Variants in FYN observed in about 807,000 individuals in gnomAD.
The protein encoded by FYN is FYN proto-oncogene, Src family tyrosine kinase, also known as tyrosine-protein kinase Fyn.
A neutral mutation model predicts 70.2 loss-of-function variants in FYN; 10 were observed. The ratio of observed to expected loss-of-function variants is 0.14; its 90% CI spans 0.09 to 0.24. FYN has a LOEUF of 0.24. Among genes scored for constraint, FYN ranks in the 10% least tolerant of loss-of-function variants. FYN has a pLI of 1.00. For missense variants in FYN, 319 were observed against 673.1 expected, an observed-to-expected ratio of 0.47 and a Z score of 5.82; for synonymous variants, 236 against 248.6, an observed-to-expected ratio of 0.95 and a Z score of 0.48.
chr6:111,674,354 G>A (rs758901197), intron 13 of FYN, 145 bp downstream of exon 13: 12 of 849,874 alleles, frequency 1.4e-5, no homozygotes, highest in Admixed American at 4.9e-5. Flanking sequence ...CTTTTCTCTC[G>A]CTGAATACCT....
Position 111,832,319 on chromosome 6 carries a change from T to G in FYN, c.-82+14270A>C, listed in dbSNP as rs567601626. On this transcript the variant is annotated intron_variant, in intron 2 of 13. Transcript: ENST00000354650. ...TACTACTGCAAACAGAATTGTTTCC[T>G]TCACTTGATTTTCCAGCTATTAGCT... Among the ~76,000 whole-genome samples, 147 of 152,334 alleles carry G rather than the reference T, an allele frequency of 9.6e-4. 1 individual carries two copies. Among genetic ancestry groups the G allele is most frequent in the South Asian group, 5.4e-3 (26 of 4,830 alleles).
chr6:111,772,882 A>C (rs1163160394), intron 3 of FYN, among the ~76,000 whole-genome samples: 1 of 151,964 alleles, frequency 6.6e-6, no homozygotes, highest in Non-Finnish European at 1.5e-5. Flanking sequence ...ATAAAATATT[A>C]TTTGGGACTG....
intron 3 of FYN, among the ~76,000 whole-genome samples, chr6:111,764,775 A>C (rs1803162097): frequency 6.6e-6 from 1 of 152,188 alleles, no homozygotes; most frequent in Non-Finnish European, 1.5e-5. Context: ...GTGGAAGAAA[A>C]AAAACCCCAT....
chr6:111,759,255 A>G (rs906933540), intron 3 of FYN: 5 of 152,220 alleles, frequency 3.3e-5, no homozygotes, highest in African/African-American at 9.6e-5. Flanking sequence ...CAGGTCTACA[A>G]TATAGTAGGT....
intron 3 of FYN, among the ~76,000 whole-genome samples, chr6:111,727,251 G>C (rs1021517043): frequency 6.6e-6 from 1 of 152,058 alleles, no homozygotes; most frequent in Non-Finnish European, 1.5e-5. Context: ...TGACTATTTG[G>C]GCCGATGACA....
chr6:111,774,515 A>G (rs1007250128), intron 3 of FYN, among the ~76,000 whole-genome samples: 5 of 152,002 alleles, frequency 3.3e-5, no homozygotes, highest in African/African-American at 7.3e-5. Context: ...CTCTTGCATC[A>G]TGTGCCAATG....
At chr6:111,854,505 G>A (rs1021616608) in intron 1 of FYN, among the ~76,000 whole-genome samples, 1 of 152,144 alleles carries the variant, frequency 6.6e-6, no homozygotes, top group Non-Finnish European at 1.5e-5. Context: ...TGAGATGCAC[G>A]GAACAGCAGT....
At chr6:111,825,456 A>G (rs1772803221) in intron 2 of FYN, among the ~76,000 whole-genome samples, 1 of 152,202 alleles carries the variant, frequency 6.6e-6, no homozygotes, top group African/African-American at 2.4e-5. Context: ...GCAAGTTACT[A>G]AGCTTCTCTG....
intron 2 of FYN, among the ~76,000 whole-genome samples, chr6:111,788,601 A>G (rs1323970035): frequency 6.6e-6 from 1 of 152,214 alleles, no homozygotes; most frequent in Non-Finnish European, 1.5e-5. Context: ...AACATGAGGT[A>G]CAAGCTGGGA....
intron 13 of FYN, 92 bp from the exon 14 acceptor site, chr6:111,662,039 G>T: frequency 9.3e-7 from 1 of 1,073,176 alleles, no homozygotes; most frequent in Non-Finnish European, 1.3e-6. Context: ...CTTTGCGTCT[G>T]CATGTGGCTA....
At chr6:111,711,723 C>T (rs560466874) in intron 5 of FYN, among the ~76,000 whole-genome samples, 32 of 152,296 alleles carry the variant, frequency 2.1e-4, no homozygotes, top group Non-Finnish European at 3.7e-4. Flanking sequence ...GAGCCAGAGG[C>T]GGGAGAGGAT....
chr6:111,777,457 G>C (rs1268105568), intron 3 of FYN, among the ~76,000 whole-genome samples: 1 of 151,564 alleles, frequency 6.6e-6, no homozygotes, highest in Non-Finnish European at 1.5e-5. Context: ...CTGAGATTTC[G>C]GGCCCGATTA....
At chr6:111,749,948 A>G (rs1007852502) in intron 3 of FYN, among the ~76,000 whole-genome samples, 1 of 152,022 alleles carries the variant, frequency 6.6e-6, no homozygotes, top group Non-Finnish European at 1.5e-5. Flanking sequence ...AAAAAAAAAA[A>G]TCCCATAATT....
intron 13 of FYN, among the ~76,000 whole-genome samples, chr6:111,673,167 T>A (rs1193931795): frequency 6.6e-6 from 1 of 152,048 alleles, no homozygotes; most frequent in East Asian, 1.9e-4. Flanking sequence ...ACCCGCACAT[T>A]TCCCCCCTTG....
At position 111,716,483 on chromosome 6, in the gene FYN, T is replaced by G. The variant is rs538981422; in HGVS notation, c.248-2040A>C. On this transcript the variant is annotated intron_variant, in intron 4 of 13. Transcript: ENST00000354650. ...CCCAGGCTGAACGCAGCACCCTCTG[T>G]GTACCTAGTACAGTTATAAACCTGG... 2.0e-5 allele frequency among the ~76,000 whole-genome samples: 3 copies of G among 152,340 alleles called. No individual in the cohort carries two copies. The South Asian group carries it at 6.2e-4, about 32-fold the overall frequency.
At position 111,785,708 on chromosome 6, in the gene FYN, T is replaced by C. The variant is rs575766502; in HGVS notation, c.-81-5073A>G. On this transcript the variant is annotated intron_variant, in intron 2 of 13. Coordinates refer to ENST00000354650, the MANE Select transcript of FYN (RefSeq NM_002037.5). ...ACTATACTTTAAGTTCTAGGGTACATGTACACAACGTGAAGGTTTGTTACA... is the reference window on the plus strand; with the variant it reads ...ACTATACTTTAAGTTCTAGGGTACACGTACACAACGTGAAGGTTTGTTACA... 2.0e-5 allele frequency among the ~76,000 whole-genome samples: 3 copies of C among 152,220 alleles called. No homozygotes were observed. The East Asian group carries it at 5.8e-4, about 29-fold the overall frequency.
chr6:111,842,459 C>T (rs1022308387), intron 2 of FYN, among the ~76,000 whole-genome samples: 7 of 152,048 alleles, frequency 4.6e-5, no homozygotes, highest in Non-Finnish European at 2.9e-5. Flanking sequence ...CTTCTTCACT[C>T]TCTCCCTCAC....
chr6:111,675,622 G>A (rs1250695564), intron 12 of FYN, among the ~76,000 whole-genome samples: 9 of 151,848 alleles, frequency 5.9e-5, no homozygotes, highest in South Asian at 4.2e-4. Flanking sequence ...GTGAAACCTC[G>A]TCTCTACTAA....
chr6:111,832,241 C>T (rs150349891), intron 2 of FYN, among the ~76,000 whole-genome samples: 2 of 152,232 alleles, frequency 1.3e-5, no homozygotes, highest in East Asian at 3.9e-4. Flanking sequence ...AGGGATAGCG[C>T]CGAAGGACTG....
Sources: allele counts gnomAD v4.1 joint callset (sites outside exome capture counted in the v4.1 genomes callset), GRCh38; gene constraint gnomAD v4.1.1; transcripts MANE v1.5; gene names NCBI Gene and HGNC (gene_info 2026-07-23, HGNC 2026-07-21).